Variants in SYTL2 observed in about 807,000 individuals in gnomAD.
SYTL2 encodes synaptotagmin like 2.
In SYTL2, 165 loss-of-function variants were observed where a neutral mutation model predicts 198.7. The observed-to-expected ratio is 0.83, with a 90% CI of 0.73 to 0.94. SYTL2 has a LOEUF of 0.94. SYTL2 is among the 40% of genes least tolerant of loss of function. The pLI, the probability that SYTL2 is intolerant of heterozygous loss-of-function variation, is 0.00. For missense variants in SYTL2, 2,835 were observed against 2,582.8 expected, an observed-to-expected ratio of 1.10 and a Z score of -2.12; for synonymous variants, 966 against 917.7, an observed-to-expected ratio of 1.05 and a Z score of -0.95.
chr11:85,727,514 A>G lies in SYTL2; in HGVS notation c.1844T>C (p.Phe615Ser). The change falls in exon 8 of 20, where the codon TTC (phenylalanine) becomes TCC (serine). Residue 615 changes from phenylalanine (F) to serine (S), a missense_variant. By Grantham distance (155) the Phe-to-Ser change is radical. Around this residue, in one of 3 missense-constraint regions of SYTL2, gnomAD observed 2,645 missense variants for 2,381.7 expected, o/e 1.11. Coordinates refer to ENST00000359152, the MANE Select transcript of SYTL2 (RefSeq NM_206927.4). ...QDNNVNIKSK[F>S]MNLSQKGTPK... ...GGTGCCTTTTTGGGACAAATTCATG[A>G]ATTTGGATTTGATATTCACATTATT... is the stretch of plus-strand genomic sequence containing the variant. 1 of 1,536,022 alleles carries G rather than the reference A, an allele frequency of 6.5e-7. No individual in the cohort carries two copies. Among genetic ancestry groups the G allele is most frequent in the Non-Finnish European group, 8.7e-7 (1 of 1,146,894 alleles).
chr11:85,700,447 A>C, intron 17 of SYTL2, 68 bp downstream of exon 17: 1 of 1,284,162 alleles, frequency 7.8e-7, no homozygotes, highest in Non-Finnish European at 1.1e-6. Flanking sequence ...TTGAAAACGC[A>C]TAGTAAATAC....
chr11:85,750,936 T>C (rs2091474158), intron 2 of SYTL2, among the ~76,000 whole-genome samples: 1 of 152,214 alleles, frequency 6.6e-6, no homozygotes, highest in African/African-American at 2.4e-5. Flanking sequence ...TTTCATAAGA[T>C]TGTTTATTTT....
upstream of SYTL2, among the ~76,000 whole-genome samples, chr11:85,811,653 G>A (rs779639185): frequency 4.6e-5 from 7 of 152,144 alleles, no homozygotes; most frequent in Non-Finnish European, 1.0e-4. Flanking sequence ...TTGTTGAGAG[G>A]ACTAAATGAA....
At chr11:85,810,636 CAGCCCCA>C (rs1466040370) in intron 1 of SYTL2, among the ~76,000 whole-genome samples, 1 of 152,164 alleles carries the variant, frequency 6.6e-6, no homozygotes, top group Non-Finnish European at 1.5e-5. Context: ...CCCCAGCACC[CAGCCCCA>C]AGCCCAGGTC....
intron 2 of SYTL2, among the ~76,000 whole-genome samples, chr11:85,753,380 C>G (rs1237021257): frequency 3.3e-5 from 5 of 151,946 alleles, no homozygotes; most frequent in African/African-American, 4.8e-5. Context: ...ATAACTGGGT[C>G]CAGTACTTGT....
Position 85,727,375 on chromosome 11 carries a change from C to G in SYTL2, c.1983G>C (p.Gly661=), listed in dbSNP as rs765272944. ...QDSKSPGKGN[G]ASPSNSNYSY... is the part of the protein sequence containing the mutation. ...AATAGTTACTATTTGAAGGAGATGC[C>G]CCATTCCCTTTTCCTGGGCTTTTTG... The change falls in exon 8 of 20, where the codon GGG becomes GGC. Residue 661 remains glycine (G), a synonymous_variant. Transcript: ENST00000359152. 228 of 1,536,062 alleles carry G rather than the reference C, an allele frequency of 1.5e-4. 2 individuals carry two copies. The highest frequency in any genetic ancestry group is 1.8e-4 in the Non-Finnish European group (208 of 1,146,898).
At chr11:85,756,261 G>A (rs1460484340) in intron 2 of SYTL2, among the ~76,000 whole-genome samples, 1 of 152,158 alleles carries the variant, frequency 6.6e-6, no homozygotes, top group Non-Finnish European at 1.5e-5. Flanking sequence ...CACACCATTT[G>A]CGGAGAAGGC....
At chr11:85,766,271 A>G (rs1240949123) in intron 1 of SYTL2, among the ~76,000 whole-genome samples, 1 of 152,212 alleles carries the variant, frequency 6.6e-6, no homozygotes, top group Non-Finnish European at 1.5e-5. Context: ...TGCTAGAACC[A>G]TCCTTTTAAT....
chr11:85,726,830 G>A lies in SYTL2; in HGVS notation c.2528C>T (p.Ser843Phe), dbSNP rs749458264. 9.1e-6 allele frequency: 14 copies of A among 1,536,310 alleles called. 1 individual carries two copies. The South Asian group carries it at 1.2e-4, about 13-fold the overall frequency. ...CTGATTATATTCACTCTGGTCTGTAGATAAACTGTCCATGGATGATACACC... is the reference window on the plus strand; with the variant it reads ...CTGATTATATTCACTCTGGTCTGTAAATAAACTGTCCATGGATGATACACC... ...SQGVSSMDSL[S>F]TDQSEYNQAI... is the part of the protein sequence containing the mutation. The change falls in exon 8 of 20, where the codon TCT becomes TTT. Residue 843 changes from serine to phenylalanine, a missense_variant. Around this residue, in one of 3 missense-constraint regions of SYTL2, gnomAD observed 2,645 missense variants for 2,381.7 expected, o/e 1.11. Coordinates refer to ENST00000359152, the MANE Select transcript of SYTL2 (RefSeq NM_206927.4).
In SYTL2 at chr11:85,727,136, T is replaced by C; in HGVS notation, c.2222A>G (p.Tyr741Cys). 1 of 1,536,274 alleles carries C rather than the reference T, an allele frequency of 6.5e-7. No individual in the cohort carries two copies. Among genetic ancestry groups the C allele is most frequent in the African/African-American group, 1.4e-5 (1 of 73,150 alleles). Reference sequence around the variant, plus strand: ...TGGCTCTAAGGAGGCTTTCAGGATATAGGTATTTCCTACTTTGCTCTTTCT... The same window carrying C: ...TGGCTCTAAGGAGGCTTTCAGGATACAGGTATTTCCTACTTTGCTCTTTCT... Reference protein sequence around the residue: ...AERKSKVGNTYILKASLEPEN... With the variant: ...AERKSKVGNTCILKASLEPEN... Residue 741 changes from tyrosine to cysteine, a missense_variant, in exon 8 of 20, where the codon TAT becomes TGT. Tyr to Cys is a radical substitution (Grantham distance 194). This residue lies in a region of SYTL2 where 2,645 missense variants were observed against 2,381.7 expected (regional missense o/e 1.11). Coordinates refer to ENST00000359152, the MANE Select transcript of SYTL2 (RefSeq NM_206927.4).
the SYTL2 span, among the ~76,000 whole-genome samples, chr11:85,841,589 T>C: frequency 6.6e-6 from 1 of 152,150 alleles, no homozygotes; most frequent in African/African-American, 2.4e-5. Context: ...AAATACCACA[T>C]GTTCTCATTT....
rs934546868 is a variant in SYTL2 at position 85,700,531 on chromosome 11, G to T, written c.6252C>A (p.Val2084=). 4 of 1,613,372 alleles carry T rather than the reference G, an allele frequency of 2.5e-6. No individual in the cohort carries two copies. The highest frequency in any genetic ancestry group is 3.4e-6 in the Non-Finnish European group (4 of 1,179,474). The change falls in exon 17 of 20, where the codon GTC becomes GTA. Residue 2084 remains valine (V), a synonymous_variant. Transcript: ENST00000359152. ...ATTACATACCAGGGACTGGCTCTGG[G>T]ACATACTGGAGAGCTAGTTTCATTT... ...RGEMKLALQY[V]PEPVPGKKLP...
intron 1 of SYTL2, among the ~76,000 whole-genome samples, chr11:85,760,571 A>G (rs755401446): frequency 5.3e-5 from 8 of 152,192 alleles, no homozygotes; most frequent in Non-Finnish European, 1.0e-4. Context: ...TTTAGGCCAC[A>G]TTCTGGGACC....
At chr11:85,728,020 G>A (rs2089410584) in intron 7 of SYTL2, 53 bp from the exon 8 acceptor site, 1 of 1,442,768 alleles carries the variant, frequency 6.9e-7, no homozygotes, top group African/African-American at 1.4e-5. Flanking sequence ...TTAAAGAACT[G>A]TTAATCATTC....
At chr11:85,761,035 A>G (rs979756523) in intron 1 of SYTL2, among the ~76,000 whole-genome samples, 1 of 152,206 alleles carries the variant, frequency 6.6e-6, no homozygotes, top group Non-Finnish European at 1.5e-5. Flanking sequence ...TCCCTCACTC[A>G]CTTGACAAAG....
At chr11:85,752,315 C>G (rs1641001252) in intron 2 of SYTL2, among the ~76,000 whole-genome samples, 1 of 152,064 alleles carries the variant, frequency 6.6e-6, no homozygotes, top group South Asian at 2.1e-4. Context: ...CTGAAAGGTA[C>G]CTTAGATAGT....
At chr11:85,817,795 C>T in the SYTL2 span, among the ~76,000 whole-genome samples, 1 of 152,164 alleles carries the variant, frequency 6.6e-6, no homozygotes, top group East Asian at 1.9e-4. Context: ...GTTAGTTACT[C>T]TGCTTTAGAA....
chr11:85,787,989 G>T (rs2153615254), intron 1 of SYTL2, among the ~76,000 whole-genome samples: 1 of 152,238 alleles, frequency 6.6e-6, no homozygotes, highest in Admixed American at 6.5e-5. Context: ...AAATATATTT[G>T]CTCTTGATGT....
rs12285811 is a variant in SYTL2, at chr11:85,739,930, C to G, written c.390-2274G>C. Among the ~76,000 whole-genome samples, 520 of 152,256 alleles carry G rather than the reference C, an allele frequency of 3.4e-3. 2 individuals are homozygous for G. The highest frequency in any genetic ancestry group is 0.012 in the African/African-American group (503 of 41,540). The stretch of plus-strand genomic sequence containing the variant: ...GGGTGATTCTTCCCTCCCAGAGACT[C>G]CCACATCTGTCTCTTCTACCTCTAC... On this transcript the variant is annotated intron_variant, in intron 4 of 19. Transcript: ENST00000359152.
Sources: gnomAD v4.1 joint callset for allele counts (sites outside exome capture counted in the v4.1 genomes callset) on GRCh38, gnomAD v4.1.1 for gene constraint, gnomAD v4.1.1 regional missense constraint, MANE v1.5 for transcripts, NCBI Gene and HGNC (gene_info 2026-07-23, HGNC 2026-07-21) for gene names.